Variants in TENM3 observed in about 807,000 individuals in gnomAD.
TENM3 encodes the protein teneurin-3.
In TENM3, 63 loss-of-function variants were observed where a neutral mutation model predicts 255.1. That is an observed-to-expected ratio of 0.25 (90% CI 0.20 to 0.30). TENM3 has a LOEUF of 0.30. Among genes scored for constraint, TENM3 ranks in the 10% least tolerant of loss-of-function variants. TENM3 has a pLI of 1.00. For synonymous variants in TENM3, 1,306 were observed against 1,322.3 expected (o/e 0.99, Z 0.27); for missense variants, 2,929 against 3,461.1 (o/e 0.85, Z 3.86).
the TENM3 span, among the ~76,000 whole-genome samples, chr4:181,934,137 T>C: frequency 6.6e-6 from 1 of 152,018 alleles, no homozygotes; most frequent in African/African-American, 2.4e-5. Flanking sequence ...AATGCGCTAA[T>C]TGAAGTGAAG....
At chr4:181,569,434 G>A in the TENM3 span, among the ~76,000 whole-genome samples, 3 of 152,168 alleles carry the variant, frequency 2.0e-5, no homozygotes, top group Non-Finnish European at 4.4e-5. Flanking sequence ...ATTTCCATAA[G>A]TGGATAGAAT....
In TENM3 at chr4:182,793,766, C is replaced by T; in HGVS notation, c.7094C>T (p.Thr2365Ile). Residue 2365 changes from threonine (T) to isoleucine (I), a missense_variant, in exon 26 of 28, where the codon ACA (threonine) becomes ATA (isoleucine). By Grantham distance (89) the Thr-to-Ile change is moderately conservative. Transcript: ENST00000511685. The surrounding 1 kb of genome is among the most constrained non-coding windows in gnomAD (Gnocchi z 5.7). The stretch of plus-strand genomic sequence containing the variant: ...TATGACATTTTGGCAGGACGGTGGA[C>T]AACACCTGACATAGAAATCTGGAAA... ...RDYDILAGRW[T>I]TPDIEIWKRI... The T allele has an allele frequency of 6.2e-7, 1 of 1,613,956 alleles. No individual in the cohort carries two copies. The highest frequency in any genetic ancestry group is 8.5e-7 in the Non-Finnish European group (1 of 1,179,872).
chr4:181,905,224 A>G, the TENM3 span, among the ~76,000 whole-genome samples: 1 of 152,132 alleles, frequency 6.6e-6, no homozygotes, highest in Admixed American at 6.5e-5. Flanking sequence ...GCATAATTAT[A>G]TATATTTAAG....
intron 3 of TENM3, among the ~76,000 whole-genome samples, chr4:182,507,086 A>G (rs73872418): frequency 0.015 from 2,338 of 152,270 alleles, 66 homozygotes; most frequent in African/African-American, 0.052. Flanking sequence ...AGACACTGGA[A>G]TCAACATCTG....
At chr4:181,822,549 T>C in the TENM3 span, among the ~76,000 whole-genome samples, 1 of 152,214 alleles carries the variant, frequency 6.6e-6, no homozygotes, top group African/African-American at 2.4e-5. Context: ...AAATAAAAGC[T>C]TTATCTATCA....
chr4:182,513,782 A>G (rs1011048001), intron 3 of TENM3, among the ~76,000 whole-genome samples: 3 of 152,160 alleles, frequency 2.0e-5, no homozygotes, highest in African/African-American at 7.2e-5. Context: ...CCACAAGTGC[A>G]CTTTTCCAAA....
chr4:181,556,738 A>G, the TENM3 span, among the ~76,000 whole-genome samples: 1 of 152,176 alleles, frequency 6.6e-6, no homozygotes, highest in Non-Finnish European at 1.5e-5. Context: ...GGTAAAATTC[A>G]TCTGTTATTC....
the TENM3 span, among the ~76,000 whole-genome samples, chr4:181,652,813 T>C: frequency 5.4e-3 from 823 of 152,316 alleles, 3 homozygotes; most frequent in African/African-American, 0.019. Context: ...AACAAACACA[T>C]GTAATGACTA....
the TENM3 span, among the ~76,000 whole-genome samples, chr4:181,717,204 G>A: frequency 6.6e-6 from 1 of 152,174 alleles, no homozygotes; most frequent in East Asian, 1.9e-4. Context: ...CACATTAGAA[G>A]TATGTGAATG....
chr4:182,468,523 G>A (rs575390319), intron 3 of TENM3, among the ~76,000 whole-genome samples: 16 of 152,028 alleles, frequency 1.1e-4, no homozygotes, highest in Non-Finnish European at 1.8e-4. Context: ...AAATTCTTCC[G>A]TTATCCTTTT....
intron 12 of TENM3, among the ~76,000 whole-genome samples, chr4:182,704,018 T>C (rs1283451924): frequency 6.6e-6 from 1 of 152,220 alleles, no homozygotes; most frequent in Admixed American, 6.5e-5. Context: ...GTATAAAACA[T>C]TGTATTATAG....
chr4:182,044,379 T>C, the TENM3 span, among the ~76,000 whole-genome samples: 2 of 152,266 alleles, frequency 1.3e-5, no homozygotes, highest in Non-Finnish European at 2.9e-5. Context: ...TCTTACTGCA[T>C]ACGTTTTAAC....
the TENM3 span, among the ~76,000 whole-genome samples, chr4:181,452,341 A>G: frequency 6.6e-6 from 1 of 152,174 alleles, no homozygotes; most frequent in Non-Finnish European, 1.5e-5. Context: ...CTGTGTCCCC[A>G]CCCAAATTTC....
chr4:182,174,502 T>TCACACACACACACACACACACA (rs71605053), intron 1 of TENM3, among the ~76,000 whole-genome samples: 1 of 137,630 alleles, frequency 7.3e-6, no homozygotes, highest in Non-Finnish European at 1.6e-5. Flanking sequence ...AGCTACTAAT[T>TCACACACACACACACACACACA]CACACACACA....
chr4:181,899,837 A>C, the TENM3 span, among the ~76,000 whole-genome samples: 1 of 152,142 alleles, frequency 6.6e-6, no homozygotes, highest in Non-Finnish European at 1.5e-5. Context: ...GTGTGGTGGG[A>C]TTACAGGCTA....
At chr4:181,804,397 A>T in the TENM3 span, among the ~76,000 whole-genome samples, 2 of 152,368 alleles carry the variant, frequency 1.3e-5, no homozygotes, top group African/African-American at 4.8e-5. Flanking sequence ...TGCTCTATCC[A>T]GCCCTAAAGG....
At chr4:181,657,946 T>C in the TENM3 span, among the ~76,000 whole-genome samples, 2 of 151,966 alleles carry the variant, frequency 1.3e-5, no homozygotes, top group African/African-American at 4.8e-5. Context: ...TGGGTACACA[T>C]GGACATAAAG....
the TENM3 span, among the ~76,000 whole-genome samples, chr4:182,104,503 C>CTTTT: frequency 7.6e-5 from 5 of 66,138 alleles, no homozygotes; most frequent in Admixed American, 1.9e-4. Flanking sequence ...ACTGTTGACT[C>CTTTT]TTTTTTTTTT....
At chr4:182,736,098 A>G (rs965705107) in intron 16 of TENM3, among the ~76,000 whole-genome samples, 7 of 152,204 alleles carry the variant, frequency 4.6e-5, no homozygotes, top group Admixed American at 2.0e-4. Context: ...ATTTACCATC[A>G]TATCAAAAAT....
Sources: allele counts gnomAD v4.1 joint callset (sites outside exome capture counted in the v4.1 genomes callset), GRCh38; gene constraint gnomAD v4.1.1; non-coding constraint Gnocchi (gnomAD v3.1); transcripts MANE v1.5; gene names NCBI Gene and HGNC (gene_info 2026-07-23, HGNC 2026-07-21).